The following CMTM7 variants were observed in gnomAD, a reference collection of about 807,000 sequenced individuals.
CMTM7 encodes CKLF-like MARVEL transmembrane domain-containing protein 7.
Under a neutral mutation model 19.3 loss-of-function variants are expected in CMTM7, and 7 were observed. That is an observed-to-expected ratio of 0.36 (90% confidence interval 0.21 to 0.68). CMTM7 has a LOEUF of 0.68. Ranked by LOEUF, CMTM7 falls within the 30% of genes least tolerant of loss-of-function variation. The pLI, the probability that CMTM7 is intolerant of heterozygous loss-of-function variation, is 0.60. For missense variants in CMTM7, 193 were observed against 232.6 expected, an observed-to-expected ratio of 0.83 and a Z score of 1.11; for synonymous variants, 87 against 99.3, an observed-to-expected ratio of 0.88 and a Z score of 0.74.
At chr3:32,438,576 A>G (rs1430998081) in intron 1 of CMTM7, among the ~76,000 whole-genome samples, 2 of 152,106 alleles carry the variant, frequency 1.3e-5, no homozygotes, top group African/African-American at 4.8e-5. Context: ...AGCTTTTAGG[A>G]GCACGCATAA....
intron 1 of CMTM7, 91 bp downstream of exon 1, chr3:32,392,156 G>A: frequency 2.0e-6 from 2 of 1,005,456 alleles, no homozygotes; most frequent in African/African-American, 1.7e-5. Context: ...GTCTGGACCC[G>A]GCCGGAGCCC....
intron 2 of CMTM7, among the ~76,000 whole-genome samples, chr3:32,442,368 G>A (rs543109091): frequency 1.3e-5 from 2 of 151,850 alleles, no homozygotes; most frequent in South Asian, 2.1e-4. Flanking sequence ...GCGTGGTGGC[G>A]GGTGCCTGTA....
chr3:32,392,050 G>C lies in CMTM7; in HGVS notation c.144G>C (p.Leu48=). Residue 48 remains leucine, a synonymous_variant, in exon 1 of 5, where the codon CTG becomes CTC. Coordinates refer to ENST00000334983, the MANE Select transcript of CMTM7 (RefSeq NM_138410.4). ...LSYPRTHAAL[L]KVAQMVTLLI... is the part of the protein sequence containing the mutation. ...ACCCCCGCACCCACGCGGCCCTGCT[G>C]AAAGTGGCGCAAATGGTAAGTGAGC... The C allele has an allele frequency of 8.1e-7, 1 of 1,235,088 alleles. No homozygotes were observed. The highest frequency in any genetic ancestry group is 1.0e-6 in the Non-Finnish European group (1 of 986,998). 76.5% of individuals were successfully genotyped at this position (1,235,088 alleles called of 1,614,324 possible). A position where few individuals can be genotyped will look rare whatever the true frequency, so the allele number is the denominator to read the frequency against.
Position 32,454,701 on chromosome 3 carries a change from C to G in CMTM7, c.*447C>G, listed in dbSNP as rs1421974536. The G allele has an allele frequency of 1.7e-5, 6 of 347,088 alleles. No individual in the cohort carries two copies. Among genetic ancestry groups the G allele is most frequent in the Non-Finnish European group, 3.4e-5 (6 of 175,124 alleles). The allele number at this position is 347,088 out of a possible 1,614,324, so 21.5% of individuals were successfully genotyped here. On this transcript the variant is annotated 3_prime_UTR_variant, in exon 5 of 5. Coordinates refer to ENST00000334983, the MANE Select transcript of CMTM7 (RefSeq NM_138410.4). Reference sequence around the variant, plus strand: ...GTCCGGTCTTAGAGATACCCTCTTTCCTGAAGTGAGGCGTGCCTGTAGAAA... The same window carrying G: ...GTCCGGTCTTAGAGATACCCTCTTTGCTGAAGTGAGGCGTGCCTGTAGAAA...
At position 32,452,401 on chromosome 3, in the gene CMTM7, T is replaced by G. The variant is rs760763555; in HGVS notation, c.442T>G (p.Phe148Val). The G allele has an allele frequency of 1.2e-6, 2 of 1,614,170 alleles. No homozygotes were observed. The highest frequency in any genetic ancestry group is 4.5e-5 in the East Asian group (2 of 44,890). Residue 148 changes from phenylalanine (F) to valine (V), a missense_variant, in exon 4 of 5, where the codon TTC becomes GTC. Phe to Val is a conservative substitution (Grantham distance 50). Coordinates refer to ENST00000334983, the MANE Select transcript of CMTM7 (RefSeq NM_138410.4). ...SGLVAGAIFG[F>V]MATFLCMASI... ...CCTCTCTCCACTGCAGATCTTTGGTTTCATGGCCACCTTCCTCTGCATGGC... is the reference window on the plus strand; with the variant it reads ...CCTCTCTCCACTGCAGATCTTTGGTGTCATGGCCACCTTCCTCTGCATGGC...
chr3:32,436,101 G>A (rs1575122036), intron 1 of CMTM7, among the ~76,000 whole-genome samples: 1 of 152,322 alleles, frequency 6.6e-6, no homozygotes, highest in East Asian at 1.9e-4. Flanking sequence ...AAGGCCTGGA[G>A]CTCAGGACCC....
intron 3 of CMTM7, 47 bp from the exon 4 acceptor site, chr3:32,452,345 A>T (rs746916145): frequency 6.2e-7 from 1 of 1,613,850 alleles, no homozygotes; most frequent in Non-Finnish European, 8.5e-7. Context: ...TGCCCGAGTA[A>T]TTAGCCCTAT....
At chr3:32,434,089 T>C (rs1696560868) in intron 1 of CMTM7, among the ~76,000 whole-genome samples, 1 of 151,978 alleles carries the variant, frequency 6.6e-6, no homozygotes, top group Non-Finnish European at 1.5e-5. Flanking sequence ...CGTGGGAGGC[T>C]GAGGTGGGAG....
At chr3:32,402,145 T>C (rs1696018744) in intron 1 of CMTM7, among the ~76,000 whole-genome samples, 1 of 152,188 alleles carries the variant, frequency 6.6e-6, no homozygotes, top group Non-Finnish European at 1.5e-5. Flanking sequence ...AAGTCTTCAG[T>C]CTGTGGCCCA....
intron 1 of CMTM7, among the ~76,000 whole-genome samples, chr3:32,396,962 T>TC (rs1264995635): frequency 6.6e-6 from 1 of 152,244 alleles, no homozygotes; most frequent in Admixed American, 6.5e-5. Context: ...CACATTCATC[T>TC]CCATTTGTGC....
chr3:32,395,962 G>C (rs1164216091), intron 1 of CMTM7, among the ~76,000 whole-genome samples: 2 of 152,142 alleles, frequency 1.3e-5, no homozygotes, highest in Non-Finnish European at 2.9e-5. Flanking sequence ...GTCATAAAAA[G>C]GGAGAATGAA....
At chr3:32,430,092 CAA>C (rs1420167932) in intron 1 of CMTM7, among the ~76,000 whole-genome samples, 1 of 152,110 alleles carries the variant, frequency 6.6e-6, no homozygotes, top group African/African-American at 2.4e-5. Flanking sequence ...AACTTAATAT[CAA>C]AAGAGTCGTT....
chr3:32,451,556 T>G (rs1696831213), intron 3 of CMTM7: 1 of 155,840 alleles, frequency 6.4e-6, no homozygotes, highest in African/African-American at 2.4e-5. Flanking sequence ...GTTAAAGGAA[T>G]CAATACACCC....
intron 1 of CMTM7, among the ~76,000 whole-genome samples, chr3:32,403,364 G>T (rs951223914): frequency 1.3e-4 from 20 of 152,240 alleles, no homozygotes; most frequent in African/African-American, 4.8e-4. Flanking sequence ...GGGGCTACAG[G>T]TGCAGGCCAC....
chr3:32,452,591 T>C, intron 4 of CMTM7, 118 bp downstream of exon 4: 1 of 1,027,446 alleles, frequency 9.7e-7, no homozygotes, highest in Non-Finnish European at 1.5e-6. Flanking sequence ...AAGGGGACTT[T>C]AGAAGTAGTA....
chr3:32,408,663 A>T (rs1378917639), intron 1 of CMTM7, among the ~76,000 whole-genome samples: 1 of 152,190 alleles, frequency 6.6e-6, no homozygotes, highest in Non-Finnish European at 1.5e-5. Flanking sequence ...TCCACAGATG[A>T]TGAATAAAGT....
chr3:32,415,979 C>T (rs1306670695), intron 1 of CMTM7, among the ~76,000 whole-genome samples: 1 of 152,164 alleles, frequency 6.6e-6, no homozygotes, highest in Non-Finnish European at 1.5e-5. Flanking sequence ...GCATGTCATA[C>T]ATGCCAGGCC....
chr3:32,435,260 C>CGGGCGTGGTGGT (rs532402833), intron 1 of CMTM7, among the ~76,000 whole-genome samples: 160 of 152,146 alleles, frequency 1.1e-3, no homozygotes, highest in African/African-American at 3.7e-3. Context: ...AAAAATTAGC[C>CGGGCGTGGTGGT]GGGCGTGGTG....
chr3:32,396,649 G>T (rs561155130), intron 1 of CMTM7, among the ~76,000 whole-genome samples: 10 of 152,290 alleles, frequency 6.6e-5, no homozygotes, highest in African/African-American at 2.4e-4. Flanking sequence ...ATGAGTGTGA[G>T]GGGGCAAGGT....
Sources: allele counts gnomAD v4.1 joint callset (sites outside exome capture counted in the v4.1 genomes callset), GRCh38; gene constraint gnomAD v4.1.1; transcripts MANE v1.5; gene names NCBI Gene and HGNC (gene_info 2026-07-23, HGNC 2026-07-21).